THOC2: variants seen among roughly 807,000 people sequenced by gnomAD.
THOC2 encodes THO complex 2.
A neutral mutation model predicts 128.4 loss-of-function variants in THOC2; 10 were observed. That is an observed-to-expected ratio of 0.08 (90% CI 0.05 to 0.13). The LOEUF is 0.13. Ranked by LOEUF, THOC2 falls within the 10% of genes least tolerant of loss-of-function variation. The pLI, the probability that THOC2 is intolerant of heterozygous loss-of-function variation, is 1.00. For synonymous variants in THOC2, 393 were observed against 396.9 expected, an observed-to-expected ratio of 0.99 and a Z score of 0.12; for missense variants, 535 against 1,155.7, an observed-to-expected ratio of 0.46 and a Z score of 7.79.
intron 38 of THOC2, among the ~76,000 whole-genome samples, chrX:123,608,896 A>G (rs984684638): frequency 2.7e-5 from 3 of 112,570 alleles, no homozygotes; most frequent in Non-Finnish European, 3.7e-5. Context: ...AAGTTTTGCT[A>G]TAAGACCACG....
intron 1 of THOC2, among the ~76,000 whole-genome samples, chrX:123,729,737 C>T (rs1050425389): frequency 1.8e-5 from 2 of 112,460 alleles, no homozygotes; most frequent in African/African-American, 6.4e-5. Flanking sequence ...TGTGGTGGCA[C>T]ACTACCTTCA....
chrX:123,626,563 G>C lies in THOC2; in HGVS notation c.2857C>G (p.Leu953Val), dbSNP rs1162509912. The change falls in exon 24 of 39, where the codon CTA becomes GTA. Residue 953 changes from leucine to valine, a missense_variant. Around this residue, in one of 9 missense-constraint regions of THOC2, gnomAD observed 90 missense variants for 298.6 expected, o/e 0.30. Coordinates refer to ENST00000245838, the MANE Select transcript of THOC2 (RefSeq NM_001081550.2). ...KKQMEHVQRVLQRLKLEKDNW... is the reference protein window; with the variant it reads ...KKQMEHVQRVVQRLKLEKDNW... ...TCCTTTTCCAGTTTCAATCTCTGTA[G>C]AACTCTCTGTACATGTTCCATCTGT... The C allele has an allele frequency of 2.5e-6, 3 of 1,200,011 alleles. No homozygotes were observed. In the South Asian group the frequency reaches 5.5e-5, roughly 22 times the overall value.
intron 12 of THOC2, among the ~76,000 whole-genome samples, chrX:123,656,351 AAAG>A (rs1356179975): frequency 1.9e-5 from 2 of 104,368 alleles, no homozygotes; most frequent in African/African-American, 7.0e-5. Flanking sequence ...AAAAAAAAAA[AAAG>A]AGAGAGAGAG....
intron 35 of THOC2, 40 bp downstream of exon 35, chrX:123,613,599 C>T (rs2046782308): frequency 8.3e-7 from 1 of 1,205,977 alleles, no homozygotes; most frequent in Non-Finnish European, 1.1e-6. Flanking sequence ...TTCCAATTCA[C>T]TTCGATGATA....
chrX:123,616,630 C>CCT (rs200043518), intron 33 of THOC2, among the ~76,000 whole-genome samples: 4,111 of 108,800 alleles, frequency 0.038, 90 homozygotes, highest in Middle Eastern at 0.095. Context: ...TTACTGATGC[C>CCT]CTCCTAAATT....
At chrX:123,706,742 A>G (rs904379789) in intron 3 of THOC2, 116 bp downstream of exon 3, 4 of 333,829 alleles carry the variant, frequency 1.2e-5, no homozygotes, top group Non-Finnish European at 1.5e-5. Context: ...AATTTTAAAA[A>G]TCCATCCACT....
At chrX:123,605,617 A>C (rs2046438095) in intron 38 of THOC2, among the ~76,000 whole-genome samples, 1 of 111,497 alleles carries the variant, frequency 9.0e-6, no homozygotes. Context: ...GGTGGCAAAA[A>C]AAGTCAATGT....
At chrX:123,609,957 C>T (rs1398825360) in intron 38 of THOC2, among the ~76,000 whole-genome samples, 3 of 109,927 alleles carry the variant, frequency 2.7e-5, no homozygotes, top group African/African-American at 1.0e-4. Flanking sequence ...TGGACCTGGG[C>T]GGCAGAGGTT....
At chrX:123,639,342 G>GT (rs1015887720) in intron 16 of THOC2, among the ~76,000 whole-genome samples, 11 of 111,643 alleles carry the variant, frequency 9.9e-5, no homozygotes, top group African/African-American at 3.6e-4. Context: ...CCTTTGGGCG[G>GT]TATGGACATT....
chrX:123,626,477 T>C (rs754828433), intron 24 of THOC2, 44 bp downstream of exon 24: 8 of 1,138,729 alleles, frequency 7.0e-6, no homozygotes, highest in Non-Finnish European at 8.1e-6. Context: ...TTTTGTTTTC[T>C]GTAATTTACC....
At chrX:123,682,246 A>C (rs760381039) in intron 8 of THOC2, among the ~76,000 whole-genome samples, 1 of 112,451 alleles carries the variant, frequency 8.9e-6, no homozygotes, top group East Asian at 2.8e-4. Flanking sequence ...ACATTTGAAA[A>C]TGTTCACAAT....
intron 33 of THOC2, among the ~76,000 whole-genome samples, chrX:123,615,954 A>G (rs1439450200): frequency 9.0e-6 from 1 of 111,143 alleles, no homozygotes; most frequent in Non-Finnish European, 1.9e-5. Context: ...TAGTTTAGGC[A>G]TTCCAAACTC....
At chrX:123,655,673 T>C (rs2048540007) in intron 12 of THOC2, among the ~76,000 whole-genome samples, 1 of 111,341 alleles carries the variant, frequency 9.0e-6, no homozygotes, top group South Asian at 3.8e-4. Context: ...AAGATCACTA[T>C]CTCACCTATT....
intron 15 of THOC2, among the ~76,000 whole-genome samples, 177 bp downstream of exon 15, chrX:123,644,398 A>C (rs945558160): frequency 2.7e-5 from 3 of 112,209 alleles, no homozygotes; most frequent in African/African-American, 9.7e-5. Context: ...TTAACTTGGT[A>C]GTCAAAATGA....
intron 7 of THOC2, among the ~76,000 whole-genome samples, chrX:123,690,885 C>G (rs2050193513): frequency 8.9e-6 from 1 of 111,905 alleles, no homozygotes; most frequent in Non-Finnish European, 1.9e-5. Flanking sequence ...AAAGCAAGAA[C>G]CAATGAATAA....
At chrX:123,657,542 G>A (rs748619194) in intron 12 of THOC2, among the ~76,000 whole-genome samples, 19 of 110,741 alleles carry the variant, frequency 1.7e-4, no homozygotes, top group Admixed American at 1.1e-3. Flanking sequence ...CTGGGTGTGG[G>A]GGAGAACACC....
chrX:123,690,108 GA>G (rs1045717279), intron 7 of THOC2, among the ~76,000 whole-genome samples: 10 of 110,711 alleles, frequency 9.0e-5, no homozygotes, highest in African/African-American at 3.0e-4. Flanking sequence ...AGAATAAGTG[GA>G]AAAATAAAGA....
chrX:123,650,374 C>T (rs1162299627), intron 12 of THOC2, among the ~76,000 whole-genome samples: 9 of 111,825 alleles, frequency 8.0e-5, no homozygotes, highest in Non-Finnish European at 1.7e-4. Flanking sequence ...TAAAGACCAT[C>T]GACACTATGA....
At chrX:123,634,655 T>C (rs1240589732) in intron 19 of THOC2, among the ~76,000 whole-genome samples, 1 of 111,903 alleles carries the variant, frequency 8.9e-6, no homozygotes, top group Admixed American at 9.5e-5. Flanking sequence ...TCTCCTCCAA[T>C]ACAGGATGGC....
Sources: gnomAD v4.1 joint callset for allele counts (sites outside exome capture counted in the v4.1 genomes callset) on GRCh38, gnomAD v4.1.1 for gene constraint, gnomAD v4.1.1 regional missense constraint, MANE v1.5 for transcripts, NCBI Gene and HGNC (gene_info 2026-07-23, HGNC 2026-07-21) for gene names.